Variants in PLA2G4E observed in about 807,000 individuals in gnomAD.
PLA2G4E encodes cytosolic phospholipase A2 epsilon.
PLA2G4E carries 84 observed loss-of-function variants against 109.1 expected under a neutral mutation model. That is an observed-to-expected ratio of 0.77 (90% confidence interval 0.65 to 0.92). The LOEUF (loss-of-function observed/expected upper bound fraction) is 0.92. Ranked by LOEUF, PLA2G4E falls within the 40% of genes least tolerant of loss-of-function variation. The pLI is 0.00. For missense variants in PLA2G4E, 1,057 were observed against 1,076.6 expected (o/e 0.98, Z 0.25); for synonymous variants, 469 against 436.1 (o/e 1.08, Z -0.94).
At chr15:42,050,433 G>T in intron 1 of PLA2G4E, 1 of 1,406,540 alleles carries the variant, frequency 7.1e-7, no homozygotes, top group Non-Finnish European at 9.6e-7. Flanking sequence ...TCTTAACTCT[G>T]CAGCAATGCA....
chr15:42,022,061 A>T (rs561658164), intron 1 of PLA2G4E, among the ~76,000 whole-genome samples: 92 of 151,934 alleles, frequency 6.1e-4, no homozygotes, highest in Non-Finnish European at 4.1e-4. Context: ...TCAGCACCAC[A>T]TCCCTCAGTA....
chr15:42,000,939 G>A (rs1279342325), intron 7 of PLA2G4E, among the ~76,000 whole-genome samples: 1 of 152,206 alleles, frequency 6.6e-6, no homozygotes, highest in Non-Finnish European at 1.5e-5. Flanking sequence ...ATACTCCAAG[G>A]TTATGTGGGT....
At chr15:42,017,200 C>A (rs1357246599) in intron 1 of PLA2G4E, among the ~76,000 whole-genome samples, 3 of 152,222 alleles carry the variant, frequency 2.0e-5, no homozygotes, top group African/African-American at 4.8e-5. Context: ...CACAATCCTT[C>A]TCCTGCCTCC....
At chr15:42,046,785 T>C (rs1429022408) in intron 1 of PLA2G4E, among the ~76,000 whole-genome samples, 1 of 152,224 alleles carries the variant, frequency 6.6e-6, no homozygotes, top group Non-Finnish European at 1.5e-5. Context: ...GTCCCAGGTC[T>C]TCTTGAGGGA....
intron 1 of PLA2G4E, among the ~76,000 whole-genome samples, chr15:42,020,412 G>T (rs115575562): frequency 6.6e-6 from 1 of 152,182 alleles, no homozygotes; most frequent in Non-Finnish European, 1.5e-5. Flanking sequence ...GAACCCAGAG[G>T]TCTCCCTGTG....
chr15:41,990,764 T>A (rs1251035003), intron 13 of PLA2G4E, among the ~76,000 whole-genome samples: 18 of 123,472 alleles, frequency 1.5e-4, no homozygotes, highest in Admixed American at 2.6e-4. Flanking sequence ...TTTTTTTTTT[T>A]AACAAAAGAC....
exon 4 of PLA2G4E, chr15:42,006,078 G>A (rs1216646185): frequency 6.2e-7 from 1 of 1,613,876 alleles, no homozygotes; most frequent in African/African-American, 1.3e-5. Context: ...ATGGTCATCT[G>A]GTGTCACTGT....
intron 1 of PLA2G4E, among the ~76,000 whole-genome samples, chr15:42,028,129 T>C (rs141285255): frequency 2.6e-5 from 4 of 152,316 alleles, no homozygotes; most frequent in South Asian, 2.1e-4. Context: ...CTCTCATTTA[T>C]TGAATGTTTA....
At position 42,043,244 on chromosome 15, in the gene PLA2G4E, C is replaced by T. The variant is rs138917494; in HGVS notation, c.183+7277G>A. 1.6e-3 allele frequency among the ~76,000 whole-genome samples: 237 copies of T among 152,254 alleles called. 1 individual carries two copies. The highest frequency in any genetic ancestry group is 3.4e-3 in the Middle Eastern group (1 of 294). ...CTGGAAGCATGTGGGAGAGGCCTTC[C>T]GGAGGCCAGGCCCACCTTTGTTGCC... is the stretch of plus-strand genomic sequence containing the variant. On this transcript the variant is annotated intron_variant, in intron 1 of 19. Coordinates refer to ENST00000399518, the Ensembl canonical transcript of PLA2G4E.
chr15:42,015,375 T>C (rs982969364), intron 1 of PLA2G4E, among the ~76,000 whole-genome samples: 1 of 152,168 alleles, frequency 6.6e-6, no homozygotes, highest in African/African-American at 2.4e-5. Flanking sequence ...CTGTTGCCCT[T>C]GGCCCCAGGC....
At chr15:42,027,130 A>G (rs2068699649) in intron 1 of PLA2G4E, among the ~76,000 whole-genome samples, 1 of 152,208 alleles carries the variant, frequency 6.6e-6, no homozygotes, top group Admixed American at 6.5e-5. Flanking sequence ...TCAAAGCAAC[A>G]CACGAGACGC....
At chr15:42,004,330 G>A (rs1287949608) in intron 5 of PLA2G4E, among the ~76,000 whole-genome samples, 2 of 148,100 alleles carry the variant, frequency 1.4e-5, no homozygotes, top group African/African-American at 4.9e-5. Flanking sequence ...GGAAAGAAAG[G>A]AAAGAAAGGG....
intron 1 of PLA2G4E, among the ~76,000 whole-genome samples, chr15:42,021,684 G>A (rs2068649952): frequency 6.6e-6 from 1 of 152,166 alleles, no homozygotes; most frequent in Non-Finnish European, 1.5e-5. Flanking sequence ...GGACAGCTTG[G>A]AGGATGCACC....
rs1034495271 is a variant in PLA2G4E at position 41,989,396 on chromosome 15, C to T, written c.1723+19G>A. 2 of 1,613,492 alleles carry T rather than the reference C, an allele frequency of 1.2e-6. No homozygotes were observed. Among genetic ancestry groups the T allele is most frequent in the African/African-American group, 1.3e-5 (1 of 74,932 alleles). ...TGGGCAGCAGCCCCCTGTCATTCCG[C>T]CAGTTGCAAGGCAGTCACCTAGCAT... On this transcript the variant is annotated intron_variant, in intron 15 of 19. Transcript: ENST00000399518.
At chr15:42,049,976 T>C (rs1039100363) in intron 1 of PLA2G4E, among the ~76,000 whole-genome samples, 1 of 152,126 alleles carries the variant, frequency 6.6e-6, no homozygotes, top group African/African-American at 2.4e-5. Flanking sequence ...TGCTCATAGG[T>C]GGGGTTTGCG....
chr15:41,999,073 A>ATAAAT (rs1169192643), intron 10 of PLA2G4E: 1 of 151,894 alleles, frequency 6.6e-6, no homozygotes, highest in African/African-American at 2.4e-5. Flanking sequence ...ATAAAATAAA[A>ATAAAT]TAAAATAAAA....
intron 4 of PLA2G4E, among the ~76,000 whole-genome samples, chr15:42,005,541 A>G (rs1215116732): frequency 1.3e-5 from 2 of 152,178 alleles, no homozygotes; most frequent in South Asian, 2.1e-4. Flanking sequence ...TTGAATTGAC[A>G]GCATCCTGGG....
intron 1 of PLA2G4E, among the ~76,000 whole-genome samples, chr15:42,045,646 C>T (rs1482604312): frequency 6.6e-6 from 1 of 152,188 alleles, no homozygotes; most frequent in Non-Finnish European, 1.5e-5. Context: ...AGCCTCACTG[C>T]CTGCTGCTTT....
At chr15:42,034,483 T>C (rs1162817719) in intron 1 of PLA2G4E, among the ~76,000 whole-genome samples, 1 of 152,170 alleles carries the variant, frequency 6.6e-6, no homozygotes, top group African/African-American at 2.4e-5. Context: ...CTTCCTCTGA[T>C]AAGAAAGCAC....
Sources: allele counts gnomAD v4.1 joint callset (sites outside exome capture counted in the v4.1 genomes callset), GRCh38; gene constraint gnomAD v4.1.1; transcripts MANE v1.5; gene names NCBI Gene and HGNC (gene_info 2026-07-23, HGNC 2026-07-21).